CACNA2D4: variants seen among roughly 807,000 people sequenced by gnomAD.
The protein encoded by CACNA2D4 is calcium voltage-gated channel auxiliary subunit alpha2delta 4.
CACNA2D4 carries 157 observed loss-of-function variants against 163.8 expected under a neutral mutation model. The ratio of observed to expected loss-of-function variants is 0.96; its 90% CI spans 0.84 to 1.09. The LOEUF is 1.09. CACNA2D4 is among the 50% of genes least tolerant of loss of function. The pLI, the probability that CACNA2D4 is intolerant of heterozygous loss-of-function variation, is 0.00. For missense variants in CACNA2D4, 1,410 were observed against 1,479.9 expected (o/e 0.95, Z 0.78); for synonymous variants, 598 against 586.9 (o/e 1.02, Z -0.27).
At position 1,799,137 on chromosome 12, in the gene CACNA2D4, C is replaced by T. The variant is rs549170921; in HGVS notation, c.2995+538G>A. ...TGCAGTCATGGAGGGCCCAGGCGCC[C>T]GGGCAGTGAGTGCTTTGAAAGGCCA... On this transcript the variant is annotated intron_variant, in intron 34 of 37. Coordinates refer to ENST00000382722, the MANE Select transcript of CACNA2D4 (RefSeq NM_172364.5). This position sits in a 1 kb window ranked among gnomAD's most constrained non-coding sequence, Gnocchi z 4.7. 1.1e-4 allele frequency among the ~76,000 whole-genome samples: 17 copies of T among 152,232 alleles called. No homozygotes were observed. Among genetic ancestry groups the T allele is most frequent in the Admixed American group, 5.2e-4 (8 of 15,302 alleles).
At position 1,799,582 on chromosome 12, in the gene CACNA2D4, T is replaced by C. The variant is rs762251058; in HGVS notation, c.2995+93A>G. ...AGAGCTCAGCCCTGCTTGGGGTCAT[T>C]CCTGGGACAGGTCATGGAGGGTGGG... On this transcript the variant is annotated intron_variant, in intron 34 of 37. Coordinates refer to ENST00000382722, the MANE Select transcript of CACNA2D4 (RefSeq NM_172364.5). The surrounding 1 kb of genome is among the most constrained non-coding windows in gnomAD (Gnocchi z 4.7). The C allele has an allele frequency of 5.8e-6, 8 of 1,369,646 alleles. No individual in the cohort carries two copies. The highest frequency in any genetic ancestry group is 8.1e-6 in the Non-Finnish European group (8 of 984,186). 84.8% of individuals were successfully genotyped at this position (1,369,646 alleles called of 1,614,324 possible).
At chr12:1,873,554 C>A (rs1314887282) in intron 18 of CACNA2D4, among the ~76,000 whole-genome samples, 9 of 152,204 alleles carry the variant, frequency 5.9e-5, no homozygotes, top group Non-Finnish European at 1.3e-4. Context: ...TTAAGCTGTC[C>A]TGTGCCATAA....
chr12:1,905,530 A>G (rs940655385), intron 6 of CACNA2D4, among the ~76,000 whole-genome samples: 15 of 152,208 alleles, frequency 9.9e-5, no homozygotes, highest in Admixed American at 9.8e-4. Flanking sequence ...CTCAACACAC[A>G]AAAATCAGTT....
In CACNA2D4 at chr12:1,829,258, A is replaced by G. The variant is rs1864509658; in HGVS notation, c.2551+11481T>C. On this transcript the variant is annotated intron_variant, in intron 26 of 37. Transcript: ENST00000382722. The surrounding 1 kb of genome is among the most constrained non-coding windows in gnomAD (Gnocchi z 4.2). ...AGGGGCGAGCGGCTTCTGGTGATGC[A>G]GATCCTTTTGAGAGGGAGCTGAATG... Among the ~76,000 whole-genome samples, 1 of 152,152 alleles carries G rather than the reference A, an allele frequency of 6.6e-6. No individual in the cohort carries two copies. The highest frequency in any genetic ancestry group is 2.1e-4 in the South Asian group (1 of 4,824).
At chr12:1,827,895 C>T (rs1372701498) in intron 26 of CACNA2D4, 7 of 401,310 alleles carry the variant, frequency 1.7e-5, no homozygotes, top group Non-Finnish European at 4.4e-6. Flanking sequence ...CCTGCCCCGC[C>T]CCCATCCCAG....
intron 6 of CACNA2D4, among the ~76,000 whole-genome samples, chr12:1,904,681 A>G (rs1413611641): frequency 1.3e-5 from 2 of 152,068 alleles, no homozygotes; most frequent in Non-Finnish European, 2.9e-5. Context: ...TCCAAATTAG[A>G]ATGTTATAAT....
chr12:1,904,418 T>A (rs1163826072), intron 6 of CACNA2D4, among the ~76,000 whole-genome samples: 1 of 149,954 alleles, frequency 6.7e-6, no homozygotes, highest in Non-Finnish European at 1.5e-5. Context: ...GGCAATGGTA[T>A]CCCATTTGCC....
At chr12:1,893,501 G>A (rs925205854) in intron 6 of CACNA2D4, among the ~76,000 whole-genome samples, 13 of 152,202 alleles carry the variant, frequency 8.5e-5, no homozygotes, top group South Asian at 6.2e-4. Context: ...CTAGGTGACA[G>A]AGCAAAACTC....
At chr12:1,819,468 A>C (rs1274921083) in intron 26 of CACNA2D4, among the ~76,000 whole-genome samples, 1 of 151,960 alleles carries the variant, frequency 6.6e-6, no homozygotes, top group Non-Finnish European at 1.5e-5. Flanking sequence ...CTGGCTGTGA[A>C]CCCCTCCAGC....
intron 6 of CACNA2D4, among the ~76,000 whole-genome samples, chr12:1,889,513 A>T (rs1866227588): frequency 6.6e-6 from 1 of 152,128 alleles, no homozygotes; most frequent in African/African-American, 2.4e-5. Flanking sequence ...ATTTTTAGAG[A>T]TGGGATCCTG....
chr12:1,886,067 TG>T, intron 8 of CACNA2D4, 28 bp from the exon 9 acceptor site: 6 of 1,588,998 alleles, frequency 3.8e-6, no homozygotes, highest in Non-Finnish European at 5.2e-6. Context: ...TGAGGGGAGG[TG>T]GGGGGAGAAT....
At chr12:1,855,563 G>T (rs565110109) in intron 22 of CACNA2D4, among the ~76,000 whole-genome samples, 3 of 152,228 alleles carry the variant, frequency 2.0e-5, no homozygotes, top group Non-Finnish European at 4.4e-5. Flanking sequence ...TGAGGAACTG[G>T]TTTAGAAAAC....
In CACNA2D4 at chr12:1,828,813, C is replaced by CA. The variant is rs2154446950; in HGVS notation, c.2551+11925dup. On this transcript the variant is annotated intron_variant, in intron 26 of 37. Coordinates refer to ENST00000382722, the MANE Select transcript of CACNA2D4 (RefSeq NM_172364.5). This position sits in a 1 kb window ranked among gnomAD's most constrained non-coding sequence, Gnocchi z 4.2. ...TAGGCAGACTGAGCCGTCCATTTAC[C>CA]AAAAAGGGGAGGAAGCGTGAATGAA... 6.6e-6 allele frequency among the ~76,000 whole-genome samples: 1 copy of CA among 152,266 alleles called. No homozygotes were observed. The highest frequency in any genetic ancestry group is 6.5e-5 in the Admixed American group (1 of 15,296).
chr12:1,884,960 C>G, intron 10 of CACNA2D4, 27 bp downstream of exon 10: 1 of 1,608,626 alleles, frequency 6.2e-7, no homozygotes, highest in Non-Finnish European at 8.5e-7. Flanking sequence ...CCAGTCCTCC[C>G]CTCCCAGGCC....
At chr12:1,894,969 A>C (rs529367598) in intron 6 of CACNA2D4, among the ~76,000 whole-genome samples, 1 of 152,350 alleles carries the variant, frequency 6.6e-6, no homozygotes, top group East Asian at 1.9e-4. Flanking sequence ...AGATGGCATA[A>C]TCTTATATCT....
rs746132290 is a variant in CACNA2D4, at chr12:1,886,278, G to T, written c.938C>A (p.Thr313Asn). Residue 313 changes from threonine to asparagine, a missense_variant, in exon 8 of 38, where the codon ACC (threonine) becomes AAC (asparagine). Physicochemically the swap from Thr to Asn is moderately conservative, Grantham distance 65 (BLOSUM62 0). Coordinates refer to ENST00000382722, the MANE Select transcript of CACNA2D4 (RefSeq NM_172364.5). ...KGLRMTIAKHTITTILDTLGE... is the reference protein window; with the variant it reads ...KGLRMTIAKHNITTILDTLGE... ...CAGGGTGTCCAAGATGGTGGTGATG[G>T]TGTGCTTGGCAATAGTCATCCTCAG... 4 of 1,613,438 alleles carry T rather than the reference G, an allele frequency of 2.5e-6. No individual in the cohort carries two copies. Among genetic ancestry groups the T allele is most frequent in the Non-Finnish European group, 3.4e-6 (4 of 1,179,538 alleles).
In CACNA2D4 at chr12:1,840,919, C is replaced by T. The variant is rs751127965; in HGVS notation, c.2471-100G>A. 1.9e-5 allele frequency: 19 copies of T among 1,017,724 alleles called. 1 individual carries two copies. In the South Asian group the frequency reaches 1.9e-4, roughly 10 times the overall value. The allele number at this position is 1,017,724 out of a possible 1,614,324, so 63.0% of individuals were successfully genotyped here. A position where few individuals can be genotyped will look rare whatever the true frequency, so the allele number is the denominator to read the frequency against. On this transcript the variant is annotated intron_variant, in intron 25 of 37. Transcript: ENST00000382722. ...AATAGGAGATGGGAATAAAAGCAGG[C>T]GAAGGCATCCTTGGAAGAATTGAGG...
chr12:1,818,416 T>C (rs2154446211), intron 26 of CACNA2D4, among the ~76,000 whole-genome samples: 1 of 152,036 alleles, frequency 6.6e-6, no homozygotes, highest in Middle Eastern at 3.4e-3. Flanking sequence ...TTTCATTTTG[T>C]TCTGCACTAA....
rs1263691431 is a variant in CACNA2D4 at position 1,820,743 on chromosome 12, A to C, written c.2552-9020T>G. 6.6e-6 allele frequency: 1 copy of C among 152,310 alleles called. No individual in the cohort carries two copies. Among genetic ancestry groups the C allele is most frequent in the Admixed American group, 6.5e-5 (1 of 15,284 alleles). 9.4% of individuals were successfully genotyped at this position (152,310 alleles called of 1,614,324 possible). A position where few individuals can be genotyped will look rare whatever the true frequency, so the allele number is the denominator to read the frequency against. On this transcript the variant is annotated intron_variant, in intron 26 of 37. Transcript: ENST00000382722. This position sits in a 1 kb window ranked among gnomAD's most constrained non-coding sequence, Gnocchi z 6.0. ...CCGGTGGTGTCTGGATTTCTATAGG[A>C]ATCCCAGGAGGGTCTTACTGGAGGG...
Sources: gnomAD v4.1 joint callset for allele counts (sites outside exome capture counted in the v4.1 genomes callset) on GRCh38, gnomAD v4.1.1 for gene constraint, Gnocchi (gnomAD v3.1) non-coding constraint, MANE v1.5 for transcripts, NCBI Gene and HGNC (gene_info 2026-07-23, HGNC 2026-07-21) for gene names.